SOX5: variants seen among roughly 807,000 people sequenced by gnomAD.
The protein encoded by SOX5 is transcription factor SOX-5.
In SOX5, 9 loss-of-function variants were observed where a neutral mutation model predicts 92.0. The ratio of observed to expected loss-of-function variants is 0.10; its 90% CI spans 0.06 to 0.17. SOX5 has a LOEUF of 0.17. Among genes scored for constraint, SOX5 ranks in the 10% least tolerant of loss-of-function variants. The probability of loss-of-function intolerance (pLI) is 1.00; values close to 1 mark genes in which losing one functional copy is unlikely to be tolerated. For missense variants in SOX5, 642 were observed against 944.5 expected, an observed-to-expected ratio of 0.68 and a Z score of 4.20; for synonymous variants, 344 against 336.3, an observed-to-expected ratio of 1.02 and a Z score of -0.25.
At chr12:24,559,850 A>C (rs1954163970) in intron 1 of SOX5, among the ~76,000 whole-genome samples, 1 of 152,152 alleles carries the variant, frequency 6.6e-6, no homozygotes, top group African/African-American at 2.4e-5. Flanking sequence ...GTGCACTTAC[A>C]TGTATAGAAC....
At chr12:24,101,024 CA>C (rs923329874) in intron 4 of SOX5, among the ~76,000 whole-genome samples, 28 of 152,074 alleles carry the variant, frequency 1.8e-4, no homozygotes, top group Non-Finnish European at 3.7e-4. Flanking sequence ...CAGGGCCTTC[CA>C]TTTTTACTAC....
At chr12:24,406,161 G>A (rs1962894001) in intron 1 of SOX5, among the ~76,000 whole-genome samples, 1 of 152,182 alleles carries the variant, frequency 6.6e-6, no homozygotes, top group Non-Finnish European at 1.5e-5. Context: ...TAGAGCAGGT[G>A]TGGGCCAGGT....
chr12:23,680,146 C>T (rs916144784), intron 6 of SOX5, among the ~76,000 whole-genome samples: 2 of 151,078 alleles, frequency 1.3e-5, no homozygotes, highest in Non-Finnish European at 3.0e-5. Context: ...GGCAACACAG[C>T]GACAACCTGT....
chr12:23,565,722 T>C (rs2136406411), intron 10 of SOX5, among the ~76,000 whole-genome samples: 1 of 152,232 alleles, frequency 6.6e-6, no homozygotes, highest in South Asian at 2.1e-4. Flanking sequence ...TAAACATTCT[T>C]GCTTTTAGAG....
At chr12:24,264,800 G>A (rs1254922560) in intron 3 of SOX5, among the ~76,000 whole-genome samples, 1 of 152,178 alleles carries the variant, frequency 6.6e-6, no homozygotes, top group Non-Finnish European at 1.5e-5. Flanking sequence ...TAGAAGAGTG[G>A]TAGAGGGATT....
intron 4 of SOX5, among the ~76,000 whole-genome samples, chr12:23,956,571 T>A (rs575865364): frequency 1.3e-5 from 2 of 152,100 alleles, no homozygotes; most frequent in Admixed American, 1.3e-4. Flanking sequence ...CCCACCCCCA[T>A]GGAAAAATTG....
At chr12:24,091,391 T>C (rs1008636815) in intron 4 of SOX5, among the ~76,000 whole-genome samples, 2 of 151,770 alleles carry the variant, frequency 1.3e-5, no homozygotes, top group Non-Finnish European at 2.9e-5. Context: ...AAAATAAAAA[T>C]TAGAATTAAA....
chr12:24,164,130 C>G (rs745376771), intron 4 of SOX5, among the ~76,000 whole-genome samples: 21 of 151,914 alleles, frequency 1.4e-4, no homozygotes, highest in Non-Finnish European at 2.8e-4. Context: ...TAAGTTTGTA[C>G]CTTTCACTCC....
intron 2 of SOX5, among the ~76,000 whole-genome samples, chr12:23,855,424 A>G (rs1360883070): frequency 6.6e-6 from 1 of 152,086 alleles, no homozygotes; most frequent in African/African-American, 2.4e-5. Flanking sequence ...CAATCAAAGA[A>G]AAGATGTTCA....
Position 24,299,788 on chromosome 12 carries a change from TCAAA to T in SOX5, c.-173-22480_-173-22477del, listed in dbSNP as rs148911792. ...CAACGAAGTGATCCGAAGCTCTGCATCAAACAAAGGCTTATTTCTAGTGGCAAAA... is the reference window on the plus strand; with the variant it reads ...CAACGAAGTGATCCGAAGCTCTGCATCAAAGGCTTATTTCTAGTGGCAAAA... On this transcript the variant is annotated intron_variant, in intron 2 of 4. Coordinates refer to the SOX5 transcript ENST00000446891. 5.9e-3 allele frequency among the ~76,000 whole-genome samples: 905 copies of T among 152,336 alleles called. 8 individuals carry two copies. Among genetic ancestry groups the T allele is most frequent in the African/African-American group, 0.021 (858 of 41,570 alleles).
At chr12:24,088,452 T>C (rs1170685946) in intron 4 of SOX5, among the ~76,000 whole-genome samples, 1 of 152,066 alleles carries the variant, frequency 6.6e-6, no homozygotes, top group East Asian at 1.9e-4. Flanking sequence ...ACCACAACTC[T>C]GCACACGCAC....
intron 6 of SOX5, among the ~76,000 whole-genome samples, chr12:23,729,391 T>C (rs781767758): frequency 5.9e-5 from 9 of 152,132 alleles, no homozygotes; most frequent in Non-Finnish European, 8.8e-5. Context: ...ATAATTAAAA[T>C]TGCATTTCAT....
At chr12:24,349,022 C>T (rs746589159) in intron 2 of SOX5, among the ~76,000 whole-genome samples, 11 of 152,160 alleles carry the variant, frequency 7.2e-5, no homozygotes, top group Non-Finnish European at 1.5e-4. Context: ...GTCTCAGGTA[C>T]GCCTTTATTG....
At chr12:24,062,560 A>G (rs550785089) in intron 4 of SOX5, among the ~76,000 whole-genome samples, 3 of 152,344 alleles carry the variant, frequency 2.0e-5, no homozygotes, top group African/African-American at 7.2e-5. Context: ...TTCTTCAACT[A>G]TGCTTCCTCT....
chr12:24,024,905 C>T (rs990078256), intron 4 of SOX5, among the ~76,000 whole-genome samples: 1 of 151,916 alleles, frequency 6.6e-6, no homozygotes, highest in African/African-American at 2.4e-5. Flanking sequence ...CTTCTCTACC[C>T]TATAGGAATT....
chr12:24,443,144 G>T (rs1035729443), intron 1 of SOX5, among the ~76,000 whole-genome samples: 6 of 151,992 alleles, frequency 3.9e-5, no homozygotes, highest in Admixed American at 1.3e-4. Flanking sequence ...TAGAGATGGG[G>T]TTTCACCGTG....
chr12:23,590,069 A>T (rs570383752), intron 9 of SOX5, among the ~76,000 whole-genome samples: 23 of 152,072 alleles, frequency 1.5e-4, no homozygotes, highest in African/African-American at 5.3e-4. Context: ...GACGGTTTAG[A>T]TGGATATTAT....
intron 2 of SOX5, among the ~76,000 whole-genome samples, chr12:23,867,947 G>GA (rs979547634): frequency 6.6e-6 from 1 of 150,896 alleles, no homozygotes; most frequent in African/African-American, 2.4e-5. Context: ...ACCTCAATCA[G>GA]AAAAAAAAAT....
chr12:23,961,088 C>T (rs1176667843), intron 4 of SOX5, among the ~76,000 whole-genome samples: 1 of 152,054 alleles, frequency 6.6e-6, no homozygotes, highest in Non-Finnish European at 1.5e-5. Context: ...CTGCAGACCC[C>T]AGATAGCTGT....
Sources: gnomAD v4.1 joint callset for allele counts (sites outside exome capture counted in the v4.1 genomes callset) on GRCh38, gnomAD v4.1.1 for gene constraint, MANE v1.5 for transcripts, NCBI Gene and HGNC (gene_info 2026-07-23, HGNC 2026-07-21) for gene names.